The following SNED1 variants were observed in gnomAD, a reference collection of about 807,000 sequenced individuals.
SNED1 encodes the protein sushi, nidogen and EGF-like domain-containing protein 1.
A neutral mutation model predicts 166.7 loss-of-function variants in SNED1; 81 were observed. That is an observed-to-expected ratio of 0.49 (90% confidence interval 0.41 to 0.58). The LOEUF is 0.58. SNED1 is among the 20% of genes least tolerant of loss of function. SNED1 has a pLI of 0.00. For synonymous variants in SNED1, 762 were observed against 822.0 expected, an observed-to-expected ratio of 0.93 and a Z score of 1.25; for missense variants, 1,604 against 2,000.2, an observed-to-expected ratio of 0.80 and a Z score of 3.78.
Position 241,095,180 on chromosome 2 carries a change from A to C in SNED1, c.*3544A>C, listed in dbSNP as rs1357319492. On this transcript the variant is annotated 3_prime_UTR_variant, in exon 32 of 32. Transcript: ENST00000310397. ...CCTCTGGTTCTCGAAGCTGTCTGTAACCAGGGCAGGGGAGATAACTGTATG... is the reference window on the plus strand; with the variant it reads ...CCTCTGGTTCTCGAAGCTGTCTGTACCCAGGGCAGGGGAGATAACTGTATG... 3 of 151,590 alleles carry C rather than the reference A, an allele frequency of 2.0e-5. No homozygotes were observed. The highest frequency in any genetic ancestry group is 2.9e-5 in the Non-Finnish European group (2 of 68,222). The allele number at this position is 151,590 out of a possible 1,614,324, so 9.4% of individuals were successfully genotyped here. A position where few individuals can be genotyped will look rare whatever the true frequency, so the allele number is the denominator to read the frequency against.
intron 6 of SNED1, among the ~76,000 whole-genome samples, chr2:241,039,737 A>G (rs2125039253): frequency 6.6e-6 from 1 of 152,244 alleles, no homozygotes; most frequent in Non-Finnish European, 1.5e-5. Flanking sequence ...CTCTTCTCAC[A>G]GTCCACTTGG....
At chr2:241,005,252 A>G (rs986226832) in intron 1 of SNED1, among the ~76,000 whole-genome samples, 11 of 151,708 alleles carry the variant, frequency 7.3e-5, no homozygotes, top group Admixed American at 5.9e-4. Context: ...CATCCAGGCT[A>G]CAGTGCAGTG....
chr2:241,042,378 G>C (rs145994991), intron 8 of SNED1, among the ~76,000 whole-genome samples: 33 of 152,200 alleles, frequency 2.2e-4, no homozygotes, highest in African/African-American at 7.5e-4. Flanking sequence ...CTTAAAGAAA[G>C]CTTAAAAGGA....
rs187138214 is a variant in SNED1 at position 241,055,225 on chromosome 2, G to A, written c.2257+1899G>A. Among the ~76,000 whole-genome samples the A allele has an allele frequency of 1.0e-3, 153 of 152,288 alleles. 1 individual carries two copies. Among genetic ancestry groups the A allele is most frequent in the African/African-American group, 3.4e-3 (140 of 41,566 alleles). ...AAAATGAAAATGTAAAGGATAAGTG[G>A]CTAGGGAGTTAAATTCCCAGAGTTC... On this transcript the variant is annotated intron_variant, in intron 16 of 31. Transcript: ENST00000310397.
At chr2:241,054,707 T>C (rs1239194049) in intron 16 of SNED1, among the ~76,000 whole-genome samples, 1 of 152,204 alleles carries the variant, frequency 6.6e-6, no homozygotes, top group Non-Finnish European at 1.5e-5. Flanking sequence ...ACTATAATAG[T>C]TGAAATAACA....
intron 31 of SNED1, among the ~76,000 whole-genome samples, chr2:241,090,889 AAAG>A (rs1449209468): frequency 1.3e-5 from 2 of 152,030 alleles, no homozygotes; most frequent in African/African-American, 2.4e-5. Context: ...AAAAAAGAAA[AAAG>A]AATTCTGTAC....
chr2:241,060,943 CAAAA>C (rs962911960), intron 16 of SNED1, among the ~76,000 whole-genome samples: 1 of 151,206 alleles, frequency 6.6e-6, no homozygotes, highest in African/African-American at 2.4e-5. Context: ...AAAAAACAAC[CAAAA>C]AAAACTATAT....
At chr2:241,014,124 T>G (rs2060500441) in intron 1 of SNED1, among the ~76,000 whole-genome samples, 1 of 152,138 alleles carries the variant, frequency 6.6e-6, no homozygotes, top group Non-Finnish European at 1.5e-5. Flanking sequence ...TTCTTGTGCC[T>G]CAGCCTCCCA....
intron 21 of SNED1, among the ~76,000 whole-genome samples, chr2:241,066,237 A>G (rs1041171328): frequency 6.6e-6 from 1 of 152,092 alleles, no homozygotes; most frequent in South Asian, 2.1e-4. Context: ...CGGGTTGTGC[A>G]CAGCCTGTGG....
rs964483824 is a variant in SNED1 at position 241,094,232 on chromosome 2, G to A, written c.*2596G>A. Reference sequence around the variant, plus strand: ...TCTTTGCTGTGCCCACTGTCCTCCAGTAGAGAACCCAACAGGCAAGGGCCC... The same window carrying A: ...TCTTTGCTGTGCCCACTGTCCTCCAATAGAGAACCCAACAGGCAAGGGCCC... On this transcript the variant is annotated 3_prime_UTR_variant, in exon 32 of 32. Transcript: ENST00000310397. This position sits in a 1 kb window ranked among gnomAD's most constrained non-coding sequence, Gnocchi z 4.3. 2 of 461,104 alleles carry A rather than the reference G, an allele frequency of 4.3e-6. No homozygotes were observed. The highest frequency in any genetic ancestry group is 4.8e-5 in the Admixed American group (2 of 41,450). The allele number at this position is 461,104 out of a possible 1,614,324, so 28.6% of individuals were successfully genotyped here.
chr2:241,049,006 C>T lies in SNED1; in HGVS notation c.1505-16C>T, dbSNP rs751120554. The T allele has an allele frequency of 2.5e-6, 4 of 1,596,048 alleles. No homozygotes were observed. Among genetic ancestry groups the T allele is most frequent in the African/African-American group, 1.3e-5 (1 of 74,652 alleles). On this transcript the variant is annotated splice_polypyrimidine_tract_variant and intron_variant, in intron 10 of 31. Transcript: ENST00000310397. ...ACATGTGGAATATGGGATGGGGCTT[C>T]CTCCTTTCTCTCTAGAAATCACAGC...
At chr2:241,030,041 C>T (rs929866897) in intron 1 of SNED1, among the ~76,000 whole-genome samples, 2 of 152,254 alleles carry the variant, frequency 1.3e-5, no homozygotes, top group African/African-American at 4.8e-5. Flanking sequence ...CTCCACAGGG[C>T]ATCGGGTACT....
chr2:241,062,722 A>G, intron 16 of SNED1, 69 bp from the exon 17 acceptor site: 3 of 990,982 alleles, frequency 3.0e-6, no homozygotes, highest in Non-Finnish European at 4.7e-6. Context: ...CCTCAGGACT[A>G]GTTTATGTGC....
chr2:241,049,763 G>GC, intron 11 of SNED1, 54 bp from the exon 12 acceptor site: 1 of 1,419,864 alleles, frequency 7.0e-7, no homozygotes, highest in Non-Finnish European at 9.9e-7. Flanking sequence ...GCCTCTTGCC[G>GC]CCCGCACAGA....
intron 27 of SNED1, chr2:241,074,316 T>G (rs1380878385): frequency 6.6e-6 from 1 of 151,962 alleles, no homozygotes; most frequent in Non-Finnish European, 1.5e-5. Context: ...ATACAAGGTC[T>G]GGACTTGCTG....
At chr2:241,003,635 G>T (rs1277368605) in intron 1 of SNED1, among the ~76,000 whole-genome samples, 3 of 152,252 alleles carry the variant, frequency 2.0e-5, no homozygotes, top group Non-Finnish European at 4.4e-5. Flanking sequence ...CCTGACCCAT[G>T]GCACAGGCAC....
chr2:241,063,254 C>T (rs1265585001), intron 17 of SNED1: 4 of 481,674 alleles, frequency 8.3e-6, no homozygotes, highest in East Asian at 3.9e-5. Context: ...TCTTGTACCT[C>T]GCTAGGGCTC....
In SNED1 at chr2:241,052,176, C is replaced by T. The variant is rs774453985; in HGVS notation, c.1969+19C>T. 1.3e-6 allele frequency: 2 copies of T among 1,599,670 alleles called. No individual in the cohort carries two copies. The highest frequency in any genetic ancestry group is 1.7e-6 in the Non-Finnish European group (2 of 1,167,218). ...GAGATAGGTAAGGTGGGTGGGAGGC[C>T]AGGCCAGGGCGGCCAGGGGTGAACC... is the stretch of plus-strand genomic sequence containing the variant. On this transcript the variant is annotated intron_variant, in intron 14 of 31. Coordinates refer to ENST00000310397, the MANE Select transcript of SNED1 (RefSeq NM_001080437.3).
At chr2:241,031,915 C>T (rs965521413) in intron 2 of SNED1, among the ~76,000 whole-genome samples, 6 of 152,242 alleles carry the variant, frequency 3.9e-5, no homozygotes, top group Non-Finnish European at 7.3e-5. Flanking sequence ...TTCACCTGCA[C>T]CCCATGACTG....
Sources: allele counts gnomAD v4.1 joint callset (sites outside exome capture counted in the v4.1 genomes callset), GRCh38; gene constraint gnomAD v4.1.1; non-coding constraint Gnocchi (gnomAD v3.1); transcripts MANE v1.5; gene names NCBI Gene and HGNC (gene_info 2026-07-23, HGNC 2026-07-21).